XXYLT1: variants seen among roughly 807,000 people sequenced by gnomAD.
XXYLT1 encodes the protein UDP-xylose:alpha-xyloside alpha-1,3-xylosyltransferase.
XXYLT1 carries 20 observed loss-of-function variants against 28.9 expected under a neutral mutation model. That is an observed-to-expected ratio of 0.69 (90% CI 0.49 to 1.00). The LOEUF is 1.00. Ranked by LOEUF, XXYLT1 falls within the 50% of genes least tolerant of loss-of-function variation. The probability of loss-of-function intolerance (pLI) is 0.00; values close to 1 mark genes in which losing one functional copy is unlikely to be tolerated. For missense variants in XXYLT1, 542 were observed against 560.1 expected (o/e 0.97, Z 0.33); for synonymous variants, 257 against 253.8 (o/e 1.01, Z -0.12).
chr3:195,117,244 T>A (rs1718095466), intron 3 of XXYLT1, among the ~76,000 whole-genome samples: 1 of 151,678 alleles, frequency 6.6e-6, no homozygotes, highest in Non-Finnish European at 1.5e-5. Context: ...TATGTACAAA[T>A]GAGAATGTTT....
intron 3 of XXYLT1, among the ~76,000 whole-genome samples, chr3:195,112,004 A>G (rs1482099219): frequency 6.6e-6 from 1 of 152,298 alleles, no homozygotes; most frequent in African/African-American, 2.4e-5. Context: ...CATTTCTTCT[A>G]CAGTTTACTT....
intron 2 of XXYLT1, among the ~76,000 whole-genome samples, chr3:195,200,576 T>G (rs563279526): frequency 6.6e-6 from 1 of 152,318 alleles, no homozygotes; most frequent in Non-Finnish European, 1.5e-5. Context: ...GGCAAGGGCT[T>G]TGGCGACCAG....
At chr3:195,151,318 C>A (rs1056237013) in intron 3 of XXYLT1, among the ~76,000 whole-genome samples, 4 of 151,896 alleles carry the variant, frequency 2.6e-5, no homozygotes, top group East Asian at 1.9e-4. Context: ...CTGAGGCGGG[C>A]GGATCACTTG....
chr3:195,164,305 C>T (rs1457259916), intron 2 of XXYLT1, among the ~76,000 whole-genome samples: 1 of 152,218 alleles, frequency 6.6e-6, no homozygotes, highest in Non-Finnish European at 1.5e-5. Context: ...CATGGAGCCT[C>T]CTTGCTGCAG....
At position 195,257,566 on chromosome 3, in the gene XXYLT1, C is replaced by T. The variant is rs1408227397; in HGVS notation, c.504+12989G>A. Among the ~76,000 whole-genome samples the T allele has an allele frequency of 6.6e-6, 1 of 152,200 alleles. No homozygotes were observed. Among genetic ancestry groups the T allele is most frequent in the Non-Finnish European group, 1.5e-5 (1 of 68,022 alleles). ...GATGGGAAGTGGCCGGGGTACACCA[C>T]AACCCCAGGCAGTCCAGCCAGGTGG... On this transcript the variant is annotated intron_variant, in intron 1 of 3. Transcript: ENST00000310380. This position sits in a 1 kb window ranked among gnomAD's most constrained non-coding sequence, Gnocchi z 4.3.
intron 2 of XXYLT1, among the ~76,000 whole-genome samples, chr3:195,186,450 T>C (rs1403635380): frequency 1.3e-5 from 2 of 152,178 alleles, no homozygotes; most frequent in Non-Finnish European, 2.9e-5. Flanking sequence ...TCCAGGCAGC[T>C]AAGGCTTCAG....
intron 3 of XXYLT1, among the ~76,000 whole-genome samples, chr3:195,146,481 C>G (rs1385500527): frequency 6.6e-6 from 1 of 152,256 alleles, no homozygotes; most frequent in Non-Finnish European, 1.5e-5. Context: ...CCACTGCAAG[C>G]TCCTGGAGGA....
In XXYLT1 at chr3:195,176,537, C is replaced by T. The variant is rs778006002; in HGVS notation, c.653-19956G>A. ...CAATCTTGCTTGTGCGCCATCAGTACGTTCCACCCCTCTGACACACTGGTA... is the reference window on the plus strand; with the variant it reads ...CAATCTTGCTTGTGCGCCATCAGTATGTTCCACCCCTCTGACACACTGGTA... On this transcript the variant is annotated intron_variant, in intron 2 of 3. Transcript: ENST00000310380. The surrounding 1 kb of genome is among the most constrained non-coding windows in gnomAD (Gnocchi z 4.9). Among the ~76,000 whole-genome samples the T allele has an allele frequency of 3.9e-5, 6 of 152,190 alleles. No homozygotes were observed. The highest frequency in any genetic ancestry group is 7.2e-5 in the African/African-American group (3 of 41,448).
Position 195,262,004 on chromosome 3 carries a change from A to ATAT in XXYLT1, c.504+8550_504+8551insATA, listed in dbSNP as rs756682312. ...CCATTCCACTGCTAGGTTATACCCC[A>ATAT]GTGATGTGACAACATATGTCCACAC... On this transcript the variant is annotated intron_variant, in intron 1 of 3. Transcript: ENST00000310380. 1.5e-4 allele frequency among the ~76,000 whole-genome samples: 23 copies of ATAT among 152,394 alleles called. 1 individual carries two copies. The Middle Eastern group carries it at 0.01, about 68-fold the overall frequency.
intron 3 of XXYLT1, among the ~76,000 whole-genome samples, chr3:195,101,810 G>T (rs1375633675): frequency 6.6e-6 from 1 of 150,576 alleles, no homozygotes; most frequent in Non-Finnish European, 1.5e-5. Context: ...AAAAAAAAAG[G>T]GGAGAGGGGA....
chr3:195,081,613 T>C (rs1715438693), intron 3 of XXYLT1, among the ~76,000 whole-genome samples: 1 of 152,232 alleles, frequency 6.6e-6, no homozygotes, highest in Non-Finnish European at 1.5e-5. Context: ...GTTCTCTGCA[T>C]CTACACTGGA....
At chr3:195,104,474 T>C (rs534020082) in intron 3 of XXYLT1, among the ~76,000 whole-genome samples, 6 of 152,148 alleles carry the variant, frequency 3.9e-5, no homozygotes, top group Admixed American at 1.3e-4. Context: ...AGTGGACTCA[T>C]GCTGCCTGCT....
At position 195,069,383 on chromosome 3, in the gene XXYLT1, G is replaced by T. The variant is rs1322156655; in HGVS notation, c.*332C>A. On this transcript the variant is annotated 3_prime_UTR_variant, in exon 4 of 4. Transcript: ENST00000310380. ...TGGTCCAAAAAAGGCCGGGTCTAAA[G>T]GATTTCCATTCCTCAGAGGCAGACA... 3.3e-6 allele frequency: 1 copy of T among 302,750 alleles called. No homozygotes were observed. The highest frequency in any genetic ancestry group is 2.1e-5 in the African/African-American group (1 of 46,952). The allele number at this position is 302,750 out of a possible 1,614,324, so 18.8% of individuals were successfully genotyped here.
chr3:195,110,326 GA>G (rs1560100804), intron 3 of XXYLT1, among the ~76,000 whole-genome samples: 13 of 17,652 alleles, frequency 7.4e-4, no homozygotes, highest in Admixed American at 1.7e-3. Flanking sequence ...GGGTGAGGGT[GA>G]GGTGTGTGTA....
chr3:195,227,228 C>T lies in XXYLT1; in HGVS notation c.505-372G>A, dbSNP rs1467256514. Among the ~76,000 whole-genome samples, 4 of 152,176 alleles carry T rather than the reference C, an allele frequency of 2.6e-5. No individual in the cohort carries two copies. The East Asian group carries it at 5.8e-4, about 22-fold the overall frequency. The stretch of plus-strand genomic sequence containing the variant: ...CTCTGTGCCCAGCGACTGGAAACCA[C>T]GTGAGAGTGTGTGATCCTCATCACA... On this transcript the variant is annotated intron_variant, in intron 1 of 3. Transcript: ENST00000310380.
intron 3 of XXYLT1, among the ~76,000 whole-genome samples, chr3:195,079,871 G>A (rs1458343235): frequency 1.3e-5 from 2 of 152,178 alleles, no homozygotes; most frequent in African/African-American, 2.4e-5. Context: ...CAAATAAAGG[G>A]TGAGGGTGTG....
intron 1 of XXYLT1, among the ~76,000 whole-genome samples, chr3:195,242,313 C>T (rs757505659): frequency 6.6e-6 from 1 of 152,196 alleles, no homozygotes; most frequent in Non-Finnish European, 1.5e-5. Context: ...TTCCGGAGCA[C>T]AGGCCTCCTT....
intron 3 of XXYLT1, among the ~76,000 whole-genome samples, chr3:195,074,638 C>T (rs537396341): frequency 5.3e-5 from 8 of 152,320 alleles, no homozygotes; most frequent in South Asian, 2.1e-4. Flanking sequence ...AGAGGCTCTC[C>T]GGACACCCTG....
At chr3:195,135,656 C>T (rs1719154943) in intron 3 of XXYLT1, among the ~76,000 whole-genome samples, 1 of 152,184 alleles carries the variant, frequency 6.6e-6, no homozygotes, top group Admixed American at 6.5e-5. Context: ...CAGTACATAG[C>T]AGGATGGGGT....
Sources: allele counts gnomAD v4.1 joint callset (sites outside exome capture counted in the v4.1 genomes callset), GRCh38; gene constraint gnomAD v4.1.1; non-coding constraint Gnocchi (gnomAD v3.1); transcripts MANE v1.5; gene names NCBI Gene and HGNC (gene_info 2026-07-23, HGNC 2026-07-21).